Variants in TNPO3 observed in about 807,000 individuals in gnomAD.
TNPO3 encodes the protein transportin-3.
Under a neutral mutation model 122.8 loss-of-function variants are expected in TNPO3, and 65 were observed. The observed-to-expected ratio is 0.53, with a 90% CI of 0.43 to 0.65. The LOEUF (loss-of-function observed/expected upper bound fraction) is 0.65, where lower values mean the gene tolerates loss of function less well. Among genes scored for constraint, TNPO3 ranks in the 30% least tolerant of loss-of-function variants. The pLI, the probability that TNPO3 is intolerant of heterozygous loss-of-function variation, is 0.00. For missense variants in TNPO3, 850 were observed against 1,136.7 expected (o/e 0.75, Z 3.63); for synonymous variants, 372 against 411.2 (o/e 0.90, Z 1.15).
At chr7:128,989,857 G>T in intron 11 of TNPO3, 104 bp downstream of exon 11, 1 of 1,301,712 alleles carries the variant, frequency 7.7e-7, no homozygotes, top group Non-Finnish European at 1.1e-6. Flanking sequence ...TAAACACTCC[G>T]TGTTAAAAAA....
chr7:129,033,403 A>G (rs1806176050), intron 1 of TNPO3, among the ~76,000 whole-genome samples: 1 of 152,216 alleles, frequency 6.6e-6, no homozygotes, highest in Admixed American at 6.5e-5. Flanking sequence ...CACACCCAAT[A>G]GAATGACCAC....
chr7:128,982,940 T>G (rs1234708708), intron 13 of TNPO3, among the ~76,000 whole-genome samples: 2 of 152,212 alleles, frequency 1.3e-5, no homozygotes, highest in African/African-American at 2.4e-5. Context: ...GTTCAGGCGT[T>G]GATTGCTAAC....
chr7:128,991,219 G>A (rs982204441), intron 10 of TNPO3, among the ~76,000 whole-genome samples: 3 of 152,070 alleles, frequency 2.0e-5, no homozygotes, highest in Non-Finnish European at 4.4e-5. Context: ...AAACCTATTC[G>A]ACCTCCTTGA....
chr7:129,004,980 G>A, intron 5 of TNPO3, 36 bp downstream of exon 5: 2 of 1,582,384 alleles, frequency 1.3e-6, no homozygotes, highest in South Asian at 2.3e-5. Flanking sequence ...AAAAGTGATT[G>A]GCAGAAATAC....
Position 128,955,269 on chromosome 7 carries a change from T to C in TNPO3, c.*148A>G. 2.2e-6 allele frequency: 1 copy of C among 454,352 alleles called. No homozygotes were observed. The highest frequency in any genetic ancestry group is 1.6e-5 in the South Asian group (1 of 64,452). The allele number at this position is 454,352 out of a possible 1,614,324, so 28.1% of individuals were successfully genotyped here. On this transcript the variant is annotated 3_prime_UTR_variant, in exon 23 of 23. Coordinates refer to ENST00000265388, the MANE Select transcript of TNPO3 (RefSeq NM_012470.4). The stretch of plus-strand genomic sequence containing the variant: ...GCCTCAGAAGGCTGGAGTCTCTCCC[T>C]GTCTGGCGGGACACCCTGGTGGCGG...
chr7:129,010,426 C>G (rs1294431802), intron 4 of TNPO3, among the ~76,000 whole-genome samples: 1 of 152,128 alleles, frequency 6.6e-6, no homozygotes, highest in Non-Finnish European at 1.5e-5. Flanking sequence ...CCTCAGCCTT[C>G]CAACGTGCTG....
At position 129,014,970 on chromosome 7, in the gene TNPO3, C is replaced by T. The variant is rs1343949090; in HGVS notation, c.552+9G>A. ...TTATGCAGCAACTTAGTATTTCAAA[C>T]TTACTCACCAATAGAGATACTACTG... On this transcript the variant is annotated intron_variant, in intron 4 of 22. Transcript: ENST00000265388. 1.9e-6 allele frequency: 3 copies of T among 1,557,512 alleles called. No homozygotes were observed. Among genetic ancestry groups the T allele is most frequent in the South Asian group, 1.2e-5 (1 of 81,580 alleles).
upstream of TNPO3, chr7:129,056,068 G>A: frequency 2.6e-6 from 3 of 1,172,086 alleles, no homozygotes; most frequent in Admixed American, 5.6e-5. Context: ...AAGATGAACG[G>A]GCGGAAGAAA....
In TNPO3 at chr7:129,017,950, G is replaced by A. The variant is rs1804032509; in HGVS notation, c.321+7C>T. 1 of 1,613,804 alleles carries A rather than the reference G, an allele frequency of 6.2e-7. No homozygotes were observed. Reference sequence around the variant, plus strand: ...CAAATTTCTCTAATGAGAAGCACAGGATTTACCTGCGTTACAATAACAGGT... The same window carrying A: ...CAAATTTCTCTAATGAGAAGCACAGAATTTACCTGCGTTACAATAACAGGT... On this transcript the variant is annotated splice_region_variant and intron_variant, in intron 2 of 22. Coordinates refer to ENST00000265388, the MANE Select transcript of TNPO3 (RefSeq NM_012470.4).
chr7:129,038,700 A>G (rs1807003377), intron 1 of TNPO3, among the ~76,000 whole-genome samples: 1 of 152,252 alleles, frequency 6.6e-6, no homozygotes, highest in Admixed American at 6.5e-5. Context: ...ATGGCGCTGG[A>G]GGCCATTATC....
intron 19 of TNPO3, 67 bp downstream of exon 19, chr7:128,972,359 C>G (rs1198038236): frequency 5.9e-6 from 9 of 1,529,884 alleles, no homozygotes; most frequent in Non-Finnish European, 8.0e-6. Context: ...TGGTTTTCTC[C>G]TAAGGAATGA....
At chr7:128,988,284 T>C (rs980317174) in intron 11 of TNPO3, among the ~76,000 whole-genome samples, 2 of 152,204 alleles carry the variant, frequency 1.3e-5, no homozygotes, top group African/African-American at 4.8e-5. Flanking sequence ...CCAATAATAA[T>C]GTCTTAAAGC....
At chr7:129,018,254 T>C in intron 1 of TNPO3, 97 bp from the exon 2 acceptor site, 1 of 1,253,126 alleles carries the variant, frequency 8.0e-7, no homozygotes, top group Non-Finnish European at 1.1e-6. Flanking sequence ...TAGCCCAAAG[T>C]ATAAAGAAAG....
Position 129,018,232 on chromosome 7 carries a change from T to C in TNPO3, c.121-75A>G, listed in dbSNP as rs575128252. On this transcript the variant is annotated intron_variant, in intron 1 of 22. Transcript: ENST00000265388. ...TTTAATGACATAACCTCAATACTTA[T>C]ATAAACATATTTAGCCCAAAGTATA... 2.8e-6 allele frequency: 4 copies of C among 1,424,666 alleles called. No individual in the cohort carries two copies. The South Asian group carries it at 3.9e-5, about 14-fold the overall frequency. 88.3% of individuals were successfully genotyped at this position (1,424,666 alleles called of 1,614,324 possible).
intron 21 of TNPO3, among the ~76,000 whole-genome samples, chr7:128,957,635 C>G (rs1797023730): frequency 6.6e-6 from 1 of 152,134 alleles, no homozygotes; most frequent in Non-Finnish European, 1.5e-5. Context: ...ATATTATCTA[C>G]TTCATAACAC....
At chr7:129,000,845 T>A (rs184026158) in intron 6 of TNPO3, among the ~76,000 whole-genome samples, 50 of 152,358 alleles carry the variant, frequency 3.3e-4, no homozygotes, top group Non-Finnish European at 4.4e-5. Flanking sequence ...CTCCAACTTT[T>A]AAAGCCTTAC....
At position 129,005,138 on chromosome 7, in the gene TNPO3, C is replaced by G. The variant is rs770701668; in HGVS notation, c.574G>C (p.Gly192Arg). ...SLLMTCVEKA[G>R]TDEKMLMKVF... ...TTCATAAGCATTTTCTCATCTGTTC[C>G]TGCTTTTTCTACACAGGTCATCTGA... The change falls in exon 5 of 23, where the codon GGA (glycine) becomes CGA (arginine). Residue 192 changes from glycine to arginine, a missense_variant. Coordinates refer to ENST00000265388, the MANE Select transcript of TNPO3 (RefSeq NM_012470.4). 81 of 1,613,656 alleles carry G rather than the reference C, an allele frequency of 5.0e-5. No individual in the cohort carries two copies. Among genetic ancestry groups the G allele is most frequent in the Non-Finnish European group, 6.7e-5 (79 of 1,179,888 alleles).
Position 128,996,701 on chromosome 7 carries a change from C to T in TNPO3, c.1158+688G>A, listed in dbSNP as rs112067200. Among the ~76,000 whole-genome samples, 802 of 141,816 alleles carry T rather than the reference C, an allele frequency of 5.7e-3. 13 individuals carry two copies. The highest frequency in any genetic ancestry group is 0.02 in the African/African-American group (765 of 37,850). 93.0% of individuals were successfully genotyped at this position (141,816 alleles called of 152,430 possible). ...GAGTTTGCAGTGAGCAGAGATCACGCCACTGCACTCCAGCCTGGGTGACAG... is the reference window on the plus strand; with the variant it reads ...GAGTTTGCAGTGAGCAGAGATCACGTCACTGCACTCCAGCCTGGGTGACAG... On this transcript the variant is annotated intron_variant, in intron 8 of 22. Transcript: ENST00000265388.
intron 20 of TNPO3, among the ~76,000 whole-genome samples, chr7:128,968,885 GA>G (rs113220607): frequency 1.1e-3 from 168 of 148,230 alleles, no homozygotes; most frequent in East Asian, 9.9e-4. Flanking sequence ...TAATTAAAAA[GA>G]AAAAAAATTT....
Sources: gnomAD v4.1 joint callset for allele counts (sites outside exome capture counted in the v4.1 genomes callset) on GRCh38, gnomAD v4.1.1 for gene constraint, MANE v1.5 for transcripts, NCBI Gene and HGNC (gene_info 2026-07-23, HGNC 2026-07-21) for gene names.